Variants in PDGFD observed in about 807,000 individuals in gnomAD.
The protein encoded by PDGFD is platelet-derived growth factor D.
Under a neutral mutation model 44.7 loss-of-function variants are expected in PDGFD, and 30 were observed. The ratio of observed to expected loss-of-function variants is 0.67; its 90% CI spans 0.50 to 0.91. The LOEUF (loss-of-function observed/expected upper bound fraction) is 0.91, where lower values mean the gene tolerates loss of function less well. Among genes scored for constraint, PDGFD ranks in the 40% least tolerant of loss-of-function variants. The pLI is 0.00. For synonymous variants in PDGFD, 173 were observed against 168.4 expected, an observed-to-expected ratio of 1.03 and a Z score of -0.21; for missense variants, 445 against 457.8, an observed-to-expected ratio of 0.97 and a Z score of 0.25.
At chr11:104,024,532 T>C (rs1365593976) in intron 1 of PDGFD, among the ~76,000 whole-genome samples, 2 of 152,218 alleles carry the variant, frequency 1.3e-5, no homozygotes, top group African/African-American at 4.8e-5. Context: ...GTATTTTTAC[T>C]GTACTTAGGT....
chr11:104,115,307 T>C (rs2134455766), intron 1 of PDGFD, among the ~76,000 whole-genome samples: 1 of 149,706 alleles, frequency 6.7e-6, no homozygotes, highest in East Asian at 1.9e-4. Flanking sequence ...CTATATATGA[T>C]GGAATACTAC....
intron 4 of PDGFD, chr11:103,945,843 T>C (rs1430376131): frequency 1.3e-5 from 2 of 152,198 alleles, no homozygotes; most frequent in Non-Finnish European, 2.9e-5. Flanking sequence ...ATCCAAACCA[T>C]AGGTAAAATG....
At chr11:104,128,551 T>G (rs1369633775) in intron 1 of PDGFD, among the ~76,000 whole-genome samples, 1 of 152,184 alleles carries the variant, frequency 6.6e-6, no homozygotes, top group African/African-American at 2.4e-5. Flanking sequence ...GCGTGTGTAT[T>G]TCTGCTTTCC....
chr11:103,924,749 A>G (rs7114119), intron 6 of PDGFD, among the ~76,000 whole-genome samples: 1 of 152,202 alleles, frequency 6.6e-6, no homozygotes, highest in Admixed American at 6.5e-5. Context: ...TCCAAAAAAC[A>G]GTTTTACAAA....
chr11:103,974,423 A>G (rs1489660767), intron 3 of PDGFD, among the ~76,000 whole-genome samples: 1 of 152,110 alleles, frequency 6.6e-6, no homozygotes, highest in Non-Finnish European at 1.5e-5. Flanking sequence ...TACTTCAATC[A>G]TAGCCCTTGT....
chr11:104,119,834 C>A (rs1861743046), intron 1 of PDGFD, among the ~76,000 whole-genome samples: 4 of 107,186 alleles, frequency 3.7e-5, no homozygotes, highest in African/African-American at 7.4e-5. Flanking sequence ...ACTATATAAT[C>A]AATTATTATA....
At chr11:104,146,361 A>G (rs10750684) in intron 1 of PDGFD, among the ~76,000 whole-genome samples, 88,935 of 151,996 alleles carry the variant, frequency 0.59, 26,359 homozygotes, top group East Asian at 0.72. Context: ...CACAATTGCC[A>G]TGGACATCAG....
chr11:104,085,901 TGA>T (rs1861121978), intron 1 of PDGFD, among the ~76,000 whole-genome samples: 1 of 152,074 alleles, frequency 6.6e-6, no homozygotes, highest in Non-Finnish European at 1.5e-5. Flanking sequence ...TATTGGACCA[TGA>T]TAAAGTTCTC....
chr11:104,103,716 A>T (rs921215351), intron 1 of PDGFD, among the ~76,000 whole-genome samples: 1 of 151,868 alleles, frequency 6.6e-6, no homozygotes, highest in African/African-American at 2.4e-5. Context: ...CATTACTTAC[A>T]TGTTTGTGGT....
intron 5 of PDGFD, 101 bp from the exon 6 acceptor site, chr11:103,927,227 C>T: frequency 1.9e-6 from 2 of 1,044,232 alleles, no homozygotes; most frequent in East Asian, 2.4e-5. Flanking sequence ...GTGAGGACAA[C>T]TTTAATCCTG....
At chr11:103,968,704 G>A (rs1369041213) in intron 3 of PDGFD, among the ~76,000 whole-genome samples, 5 of 152,168 alleles carry the variant, frequency 3.3e-5, no homozygotes, top group East Asian at 1.9e-4. Context: ...AGCTGTAGTC[G>A]CCTTCCATTG....
intron 2 of PDGFD, 149 bp downstream of exon 2, chr11:103,999,902 G>C: frequency 2.9e-6 from 2 of 680,006 alleles, no homozygotes; most frequent in Admixed American, 2.8e-5. Context: ...TATCTTGTCT[G>C]TTAGGGTCTT....
chr11:104,028,437 CT>C (rs780901448), intron 1 of PDGFD, among the ~76,000 whole-genome samples: 2,207 of 136,014 alleles, frequency 0.016, 61 homozygotes, highest in African/African-American at 0.053. Context: ...TTTGTTTTTG[CT>C]TTTTTTTTTT....
intron 5 of PDGFD, among the ~76,000 whole-genome samples, chr11:103,930,399 G>A (rs1459227726): frequency 6.6e-6 from 1 of 152,136 alleles, no homozygotes. Flanking sequence ...TGGGAGGAAG[G>A]AGAGTCAACC....
At chr11:103,984,146 C>T (rs1388306418) in intron 3 of PDGFD, among the ~76,000 whole-genome samples, 1 of 151,588 alleles carries the variant, frequency 6.6e-6, no homozygotes, top group Non-Finnish European at 1.5e-5. Flanking sequence ...ATAGCAAATA[C>T]ACGGAATCAA....
At chr11:103,974,872 C>T (rs1030340130) in intron 3 of PDGFD, among the ~76,000 whole-genome samples, 2 of 152,190 alleles carry the variant, frequency 1.3e-5, no homozygotes, top group Non-Finnish European at 2.9e-5. Context: ...ATATTTGCCA[C>T]ATTATCTTTA....
rs1437046891 is a variant in PDGFD, at chr11:104,047,425, T to C, written c.125-47170A>G. 2.7e-5 allele frequency among the ~76,000 whole-genome samples: 4 copies of C among 147,356 alleles called. 1 individual carries two copies. Among genetic ancestry groups the C allele is most frequent in the Non-Finnish European group, 4.5e-5 (3 of 65,978 alleles). On this transcript the variant is annotated intron_variant, in intron 1 of 6. Coordinates refer to ENST00000393158, the MANE Select transcript of PDGFD (RefSeq NM_025208.5). ...CTGTGGTTTCCTGACTTTTTAATGA[T>C]TGCCATTCTAACTGGCATGAGATGG...
chr11:103,976,036 G>C (rs532945598), intron 3 of PDGFD, among the ~76,000 whole-genome samples: 2 of 152,274 alleles, frequency 1.3e-5, no homozygotes, highest in African/African-American at 4.8e-5. Context: ...TGTGAAGAAA[G>C]TCAATGATAG....
intron 1 of PDGFD, among the ~76,000 whole-genome samples, chr11:104,021,296 T>C (rs1859947220): frequency 6.6e-6 from 1 of 152,192 alleles, no homozygotes; most frequent in African/African-American, 2.4e-5. Flanking sequence ...AAGAGGCCAA[T>C]TTTAAGTGTA....
Sources: allele counts gnomAD v4.1 joint callset (sites outside exome capture counted in the v4.1 genomes callset), GRCh38; gene constraint gnomAD v4.1.1; transcripts MANE v1.5; gene names NCBI Gene and HGNC (gene_info 2026-07-23, HGNC 2026-07-21).